Variants in TRIM55 observed in about 807,000 individuals in gnomAD.
TRIM55 encodes tripartite motif-containing protein 55.
TRIM55 carries 50 observed loss-of-function variants against 60.9 expected under a neutral mutation model. The observed-to-expected ratio is 0.82, with a 90% CI of 0.65 to 1.04. TRIM55 has a LOEUF of 1.04. Among genes scored for constraint, TRIM55 ranks in the 50% least tolerant of loss-of-function variants. TRIM55 has a pLI of 0.00. For missense variants in TRIM55, 681 were observed against 666.9 expected (o/e 1.02, Z -0.23); for synonymous variants, 237 against 238.1 (o/e 1.00, Z 0.04).
intron 2 of TRIM55, among the ~76,000 whole-genome samples, chr8:66,132,611 G>T (rs531028876): frequency 1.1e-3 from 170 of 152,248 alleles, no homozygotes; most frequent in African/African-American, 4.0e-3. Context: ...AACGGTGAGG[G>T]GCCACAGCCA....
chr8:66,159,267 C>G (rs1013516162), intron 9 of TRIM55, among the ~76,000 whole-genome samples: 2 of 152,194 alleles, frequency 1.3e-5, no homozygotes, highest in African/African-American at 4.8e-5. Flanking sequence ...TCCAAACTGT[C>G]TTGTGAATGA....
intron 4 of TRIM55, 37 bp from the exon 5 acceptor site, chr8:66,149,608 T>C (rs1172466876): frequency 6.6e-7 from 1 of 1,518,364 alleles, no homozygotes; most frequent in South Asian, 1.1e-5. Flanking sequence ...CGACTTTGTT[T>C]CAAATACTTT....
At chr8:66,138,750 C>T (rs1235757262) in intron 4 of TRIM55, among the ~76,000 whole-genome samples, 3 of 152,160 alleles carry the variant, frequency 2.0e-5, no homozygotes, top group African/African-American at 4.8e-5. Flanking sequence ...TCAGTTTTCT[C>T]CTCTGTAAAA....
upstream of TRIM55, among the ~76,000 whole-genome samples, chr8:66,123,535 C>G (rs1439436983): frequency 6.6e-6 from 1 of 151,560 alleles, no homozygotes; most frequent in Non-Finnish European, 1.5e-5. Context: ...AAGTAAAAGG[C>G]AGGGAGCAAG....
chr8:66,165,626 G>A (rs1811285820), intron 9 of TRIM55, among the ~76,000 whole-genome samples: 1 of 152,200 alleles, frequency 6.6e-6, no homozygotes, highest in South Asian at 2.1e-4. Context: ...ATTGCTATGT[G>A]TTTTACAAAT....
chr8:66,153,778 C>T (rs1038306132), intron 8 of TRIM55, among the ~76,000 whole-genome samples: 1 of 152,182 alleles, frequency 6.6e-6, no homozygotes, highest in Admixed American at 6.5e-5. Context: ...ACTGAGGTTT[C>T]TGCTCTCTGC....
At chr8:66,147,361 C>T (rs1387149822) in intron 4 of TRIM55, among the ~76,000 whole-genome samples, 1 of 152,058 alleles carries the variant, frequency 6.6e-6, no homozygotes, top group African/African-American at 2.4e-5. Flanking sequence ...TTGACTGTTC[C>T]AAGGAAGGCA....
At chr8:66,155,363 T>A (rs543130548) in intron 9 of TRIM55, among the ~76,000 whole-genome samples, 1 of 152,268 alleles carries the variant, frequency 6.6e-6, no homozygotes, top group South Asian at 2.1e-4. Flanking sequence ...CAAAAATAAA[T>A]GTTTGGTGGG....
the TRIM55 span, among the ~76,000 whole-genome samples, chr8:66,121,014 A>G: frequency 6.6e-6 from 1 of 152,188 alleles, no homozygotes; most frequent in Non-Finnish European, 1.5e-5. Flanking sequence ...TCCATTGCAG[A>G]TCTACATCTC....
chr8:66,132,599 T>C (rs1238283794), intron 2 of TRIM55, among the ~76,000 whole-genome samples: 2 of 152,208 alleles, frequency 1.3e-5, no homozygotes, highest in Non-Finnish European at 2.9e-5. Context: ...TAGCCTACAC[T>C]GAACGGTGAG....
At chr8:66,155,134 A>T (rs1297872566) in intron 9 of TRIM55, among the ~76,000 whole-genome samples, 1 of 152,198 alleles carries the variant, frequency 6.6e-6, no homozygotes, top group Non-Finnish European at 1.5e-5. Flanking sequence ...CCAGGCAAGA[A>T]GCTGCCAGAA....
At chr8:66,136,164 C>T (rs764924785) in intron 3 of TRIM55, among the ~76,000 whole-genome samples, 18 of 152,124 alleles carry the variant, frequency 1.2e-4, no homozygotes, top group Non-Finnish European at 2.4e-4. Flanking sequence ...CTTCTGCCCA[C>T]CTCCCCCAAA....
At chr8:66,143,282 C>T (rs1031404318) in intron 4 of TRIM55, among the ~76,000 whole-genome samples, 6 of 152,084 alleles carry the variant, frequency 3.9e-5, no homozygotes, top group African/African-American at 7.2e-5. Context: ...GGCCATGGCA[C>T]GTGTGCAAGC....
chr8:66,135,315 G>A (rs1452931286), intron 3 of TRIM55, among the ~76,000 whole-genome samples, 160 bp downstream of exon 3: 5 of 152,204 alleles, frequency 3.3e-5, no homozygotes, highest in African/African-American at 7.2e-5. Flanking sequence ...AGGAAGACAT[G>A]TGCACAGTTG....
At chr8:66,132,172 C>A (rs1158231416) in intron 2 of TRIM55, among the ~76,000 whole-genome samples, 2 of 152,112 alleles carry the variant, frequency 1.3e-5, no homozygotes, top group Non-Finnish European at 2.9e-5. Context: ...TCAGTTTGGG[C>A]AGGCACAGTG....
At chr8:66,144,895 A>G (rs1810021625) in intron 4 of TRIM55, among the ~76,000 whole-genome samples, 1 of 152,208 alleles carries the variant, frequency 6.6e-6, no homozygotes, top group Non-Finnish European at 1.5e-5. Context: ...GCAAAAGTCC[A>G]CATTTTTTCC....
At chr8:66,157,939 A>G (rs1810836674) in intron 9 of TRIM55, among the ~76,000 whole-genome samples, 1 of 152,152 alleles carries the variant, frequency 6.6e-6, no homozygotes, top group Non-Finnish European at 1.5e-5. Flanking sequence ...GTTAGATCAG[A>G]AGAGTGCTGT....
At chr8:66,166,049 C>T (rs1183365555) in intron 9 of TRIM55, among the ~76,000 whole-genome samples, 1 of 144,102 alleles carries the variant, frequency 6.9e-6, no homozygotes, top group Non-Finnish European at 1.5e-5. Flanking sequence ...CCTCAATCTC[C>T]TCAAGGCCCC....
chr8:66,126,916 G>C (rs1433584687), upstream of TRIM55: 1 of 188,712 alleles, frequency 5.3e-6, no homozygotes, highest in African/African-American at 2.3e-5. Context: ...ACAACTGTCA[G>C]CTTCGACCTC....
Sources: gnomAD v4.1 joint callset for allele counts (sites outside exome capture counted in the v4.1 genomes callset) on GRCh38, gnomAD v4.1.1 for gene constraint, MANE v1.5 for transcripts, NCBI Gene and HGNC (gene_info 2026-07-23, HGNC 2026-07-21) for gene names.